SHANK2: variants seen among roughly 807,000 people sequenced by gnomAD.
The protein encoded by SHANK2 is SH3 and multiple ankyrin repeat domains 2, also known as SH3 and multiple ankyrin repeat domains protein 2.
In SHANK2, 43 loss-of-function variants were observed where a neutral mutation model predicts 133.7. The ratio of observed to expected loss-of-function variants is 0.32; its 90% confidence interval spans 0.25 to 0.41. The LOEUF (loss-of-function observed/expected upper bound fraction) is 0.41. Among genes scored for constraint, SHANK2 ranks in the 10% least tolerant of loss-of-function variants. The pLI is 1.00. For missense variants in SHANK2, 1,994 were observed against 2,235.8 expected, an observed-to-expected ratio of 0.89 and a Z score of 2.18; for synonymous variants, 1,017 against 952.8, an observed-to-expected ratio of 1.07 and a Z score of -1.24.
At chr11:71,210,953 A>C (rs1249673219) in intron 2 of SHANK2, among the ~76,000 whole-genome samples, 2 of 152,160 alleles carry the variant, frequency 1.3e-5, no homozygotes, top group Non-Finnish European at 2.9e-5. Flanking sequence ...ACGCATGAGG[A>C]GAGGGCAGGG....
At chr11:70,566,235 G>T (rs1188131711) in intron 17 of SHANK2, among the ~76,000 whole-genome samples, 2 of 152,172 alleles carry the variant, frequency 1.3e-5, no homozygotes, top group African/African-American at 2.4e-5. Flanking sequence ...TACAATTCAA[G>T]ATGAGATTTG....
chr11:70,504,412 C>G (rs1591514509), intron 17 of SHANK2, among the ~76,000 whole-genome samples: 1 of 127,726 alleles, frequency 7.8e-6, no homozygotes, highest in South Asian at 2.8e-4. Context: ...TACGAGACGG[C>G]TGCAGAGGTC....
chr11:71,167,712 A>G (rs1953199799), intron 2 of SHANK2, among the ~76,000 whole-genome samples: 2 of 132,006 alleles, frequency 1.5e-5, no homozygotes, highest in East Asian at 2.5e-4. Flanking sequence ...CTGGCCGGGC[A>G]GAGGGGCTCC....
chr11:71,125,681 G>T (rs1293072666), intron 3 of SHANK2, among the ~76,000 whole-genome samples: 11 of 152,224 alleles, frequency 7.2e-5, no homozygotes, highest in Admixed American at 1.3e-4. Flanking sequence ...TTCTCCAGAA[G>T]ATCTCGCTCA....
intron 17 of SHANK2, among the ~76,000 whole-genome samples, chr11:70,609,015 C>T (rs1391024189): frequency 6.6e-6 from 1 of 152,252 alleles, no homozygotes; most frequent in Non-Finnish European, 1.5e-5. Context: ...ATCAAGAAAA[C>T]CCTGGGATGA....
chr11:71,165,677 G>C (rs571098877), intron 2 of SHANK2, among the ~76,000 whole-genome samples: 1 of 152,158 alleles, frequency 6.6e-6, no homozygotes. Flanking sequence ...AGGGGTTGCC[G>C]GGGGACCTGG....
chr11:70,534,597 G>A (rs1472635185), intron 17 of SHANK2, among the ~76,000 whole-genome samples: 1 of 152,318 alleles, frequency 6.6e-6, no homozygotes, highest in African/African-American at 2.4e-5. Context: ...CAGGTGTCCT[G>A]GTCTGCAGTC....
rs57815500 is a variant in SHANK2 at position 70,723,299 on chromosome 11, G to GTCTCTCTCTCTCTCTCTC, written c.1778-24554_1778-24537dup. 2.4e-3 allele frequency among the ~76,000 whole-genome samples: 355 copies of GTCTCTCTCTCTCTCTCTC among 145,810 alleles called. 4 individuals carry two copies. The highest frequency in any genetic ancestry group is 6.3e-3 in the East Asian group (31 of 4,946). ...TAGCAATTTTCTTGCTGGAGGGTCT[G>GTCTCTCTCTCTCTCTCTC]TCTCTCTCTCTCTCTCTCTCTCTCT... is the stretch of plus-strand genomic sequence containing the variant. On this transcript the variant is annotated intron_variant, in intron 14 of 25. Coordinates refer to ENST00000601538, the MANE Select transcript of SHANK2 (RefSeq NM_012309.5).
chr11:70,665,422 G>C (rs1380367219), intron 15 of SHANK2, among the ~76,000 whole-genome samples: 1 of 152,090 alleles, frequency 6.6e-6, no homozygotes, highest in Non-Finnish European at 1.5e-5. Flanking sequence ...TTATAGACGT[G>C]AGCCACCACA....
At chr11:70,909,924 A>G (rs12294102) in intron 10 of SHANK2, among the ~76,000 whole-genome samples, 7 of 152,192 alleles carry the variant, frequency 4.6e-5, no homozygotes, top group South Asian at 4.1e-4. Flanking sequence ...AGCCACAGAC[A>G]CTTATCATTT....
At chr11:70,649,136 T>A (rs1555009354) in intron 17 of SHANK2, among the ~76,000 whole-genome samples, 1 of 152,160 alleles carries the variant, frequency 6.6e-6, no homozygotes, top group Admixed American at 6.5e-5. Flanking sequence ...CTCACCCATA[T>A]AACCCACTCC....
intron 17 of SHANK2, among the ~76,000 whole-genome samples, chr11:70,519,155 C>T (rs1305953305): frequency 1.3e-5 from 2 of 152,240 alleles, no homozygotes; most frequent in East Asian, 1.9e-4. Flanking sequence ...AAGTGATACA[C>T]CTGGGCCTCC....
intron 9 of SHANK2, among the ~76,000 whole-genome samples, chr11:71,058,299 A>G (rs1950946022): frequency 6.6e-6 from 1 of 152,136 alleles, no homozygotes; most frequent in Admixed American, 6.5e-5. Flanking sequence ...ACCCCTCTGA[A>G]GCTCCCAGTG....
intron 2 of SHANK2, among the ~76,000 whole-genome samples, chr11:71,189,319 A>G (rs1376457350): frequency 1.3e-5 from 2 of 152,198 alleles, no homozygotes; most frequent in Non-Finnish European, 2.9e-5. Context: ...GTGACCAATC[A>G]GTGCCTGTGT....
At chr11:70,594,319 C>T (rs572696654) in intron 17 of SHANK2, among the ~76,000 whole-genome samples, 30 of 152,314 alleles carry the variant, frequency 2.0e-4, no homozygotes, top group Non-Finnish European at 3.8e-4. Flanking sequence ...GCCCTTGGTG[C>T]ACTCTGGAGA....
At chr11:70,757,770 A>G (rs1555039270) in intron 14 of SHANK2, among the ~76,000 whole-genome samples, 1 of 152,154 alleles carries the variant, frequency 6.6e-6, no homozygotes, top group African/African-American at 2.4e-5. Context: ...GAGTCCTGCG[A>G]GTCCTTCCAG....
chr11:71,194,599 T>TGA (rs1565507001), intron 2 of SHANK2, among the ~76,000 whole-genome samples: 1 of 152,170 alleles, frequency 6.6e-6, no homozygotes, highest in Non-Finnish European at 1.5e-5. Context: ...GGATGCTAAG[T>TGA]GACATGCGGG....
chr11:70,577,359 C>T (rs557098510), intron 17 of SHANK2, among the ~76,000 whole-genome samples: 16 of 152,344 alleles, frequency 1.1e-4, no homozygotes, highest in Admixed American at 8.5e-4. Context: ...GCCGTGGCCA[C>T]GCCTGTCTCC....
chr11:70,688,375 G>A (rs1228481719), intron 15 of SHANK2, among the ~76,000 whole-genome samples: 2 of 152,178 alleles, frequency 1.3e-5, no homozygotes, highest in Non-Finnish European at 2.9e-5. Context: ...ACTGCAAGGG[G>A]AAGTTGGCCG....
Sources: allele counts gnomAD v4.1 joint callset (sites outside exome capture counted in the v4.1 genomes callset), GRCh38; gene constraint gnomAD v4.1.1; transcripts MANE v1.5; gene names NCBI Gene and HGNC (gene_info 2026-07-23, HGNC 2026-07-21).